The following GRIK2 variants were observed in gnomAD, a reference collection of about 807,000 sequenced individuals.
GRIK2 encodes glutamate ionotropic receptor kainate type subunit 2.
Under a neutral mutation model 100.3 loss-of-function variants are expected in GRIK2, and 32 were observed. The ratio of observed to expected loss-of-function variants is 0.32; its 90% CI spans 0.24 to 0.43. The LOEUF (loss-of-function observed/expected upper bound fraction) is 0.43. GRIK2 is among the 20% of genes least tolerant of loss of function. The pLI is 1.00. For missense variants in GRIK2, 843 were observed against 1,114.9 expected (o/e 0.76, Z 3.47); for synonymous variants, 417 against 389.4 (o/e 1.07, Z -0.83).
At chr6:101,910,469 G>A (rs1318942706) in intron 12 of GRIK2, among the ~76,000 whole-genome samples, 1 of 151,140 alleles carries the variant, frequency 6.6e-6, no homozygotes, top group Non-Finnish European at 1.5e-5. Flanking sequence ...AAAGTGAAAG[G>A]AGATAGAAGC....
intron 2 of GRIK2, among the ~76,000 whole-genome samples, chr6:101,563,131 C>T (rs895434831): frequency 1.3e-5 from 2 of 152,100 alleles, no homozygotes; most frequent in Non-Finnish European, 2.9e-5. Flanking sequence ...CCTTTTTTCA[C>T]CTGCTAATAT....
chr6:101,427,504 C>A (rs1006040764), intron 2 of GRIK2, among the ~76,000 whole-genome samples: 1 of 152,158 alleles, frequency 6.6e-6, no homozygotes, highest in Non-Finnish European at 1.5e-5. Context: ...TGCATCCATA[C>A]CCTGGTGCTG....
At chr6:101,731,955 C>A (rs1393360048) in intron 7 of GRIK2, among the ~76,000 whole-genome samples, 1 of 151,848 alleles carries the variant, frequency 6.6e-6, no homozygotes, top group Non-Finnish European at 1.5e-5. Flanking sequence ...ATAGTAAGGG[C>A]AAAAACCTAG....
Position 101,418,993 on chromosome 6 carries a change from C to T in GRIK2, c.115+19601C>T, listed in dbSNP as rs181950252. Reference sequence around the variant, plus strand: ...TATAATGTCTACATGACTTCCCTGGCCTTTAAGAGTAGAGGTGTATCTTAA... The same window carrying T: ...TATAATGTCTACATGACTTCCCTGGTCTTTAAGAGTAGAGGTGTATCTTAA... On this transcript the variant is annotated intron_variant, in intron 2 of 16. Coordinates refer to ENST00000369134, the MANE Select transcript of GRIK2 (RefSeq NM_021956.5). Among the ~76,000 whole-genome samples, 14 of 152,202 alleles carry T rather than the reference C, an allele frequency of 9.2e-5. No homozygotes were observed. The East Asian group carries it at 2.7e-3, about 29-fold the overall frequency.
chr6:101,697,982 T>C (rs773223570), intron 7 of GRIK2, among the ~76,000 whole-genome samples: 6 of 152,072 alleles, frequency 3.9e-5, no homozygotes, highest in Non-Finnish European at 8.8e-5. Flanking sequence ...CTGAGTACAG[T>C]TCATCATTCT....
chr6:101,464,488 T>A (rs2128253366), intron 2 of GRIK2, among the ~76,000 whole-genome samples: 1 of 122,410 alleles, frequency 8.2e-6, no homozygotes. Flanking sequence ...TTACCTTTTC[T>A]TTTTCTTTCT....
In GRIK2 at chr6:102,035,854, T is replaced by G. The variant is rs139296518; in HGVS notation, c.2311+288T>G. Among the ~76,000 whole-genome samples the G allele has an allele frequency of 5.1e-3, 769 of 151,570 alleles. 4 individuals carry two copies. The highest frequency in any genetic ancestry group is 6.5e-3 in the Non-Finnish European group (437 of 67,618). ...CCCAGCTAACCTTCTCTTTTCAATC[T>G]TAAATTCAAAAAATGTTTTATGAGT... On this transcript the variant is annotated intron_variant, in intron 15 of 16. Coordinates refer to ENST00000369134, the MANE Select transcript of GRIK2 (RefSeq NM_021956.5).
chr6:101,766,301 A>G (rs1562369499), intron 7 of GRIK2, among the ~76,000 whole-genome samples: 1 of 152,092 alleles, frequency 6.6e-6, no homozygotes, highest in African/African-American at 2.4e-5. Flanking sequence ...TGAAGTAGCT[A>G]TATTATTAAG....
chr6:101,743,673 A>C (rs949059621), intron 7 of GRIK2, among the ~76,000 whole-genome samples: 2 of 152,012 alleles, frequency 1.3e-5, no homozygotes, highest in African/African-American at 4.8e-5. Context: ...ATCAACCCTC[A>C]ATTTCATTCA....
In GRIK2 at chr6:101,495,333, G is replaced by A. The variant is rs374876610; in HGVS notation, c.115+95941G>A. Among the ~76,000 whole-genome samples, 55 of 151,774 alleles carry A rather than the reference G, an allele frequency of 3.6e-4. No individual in the cohort carries two copies. The East Asian group carries it at 9.0e-3, about 25-fold the overall frequency. ...ATCCTGGCTAACATGGTGAAATCCC[G>A]TCTCTACTAAAAATACAAAACAATT... On this transcript the variant is annotated intron_variant, in intron 2 of 16. Transcript: ENST00000369134.
intron 2 of GRIK2, among the ~76,000 whole-genome samples, chr6:101,401,203 C>G (rs1253362603): frequency 4.6e-5 from 7 of 152,082 alleles, no homozygotes; most frequent in African/African-American, 1.7e-4. Context: ...GACTTGGAGC[C>G]GGAAAACTGC....
intron 2 of GRIK2, among the ~76,000 whole-genome samples, chr6:101,620,915 G>C (rs1780125636): frequency 6.6e-6 from 1 of 152,064 alleles, no homozygotes; most frequent in African/African-American, 2.4e-5. Context: ...CAAGAGTGAG[G>C]GAACTGGAAT....
chr6:101,532,199 A>G (rs1370294885), intron 2 of GRIK2, among the ~76,000 whole-genome samples: 4 of 151,882 alleles, frequency 2.6e-5, no homozygotes, highest in Non-Finnish European at 4.4e-5. Flanking sequence ...CAAACACTCC[A>G]TGCTGTTTTG....
chr6:101,553,949 A>G (rs546171278), intron 2 of GRIK2, among the ~76,000 whole-genome samples: 53 of 152,296 alleles, frequency 3.5e-4, no homozygotes, highest in African/African-American at 1.2e-3. Flanking sequence ...TGACAGACGC[A>G]GTCACCTCAG....
intron 13 of GRIK2, among the ~76,000 whole-genome samples, chr6:101,925,503 C>T (rs1789828916): frequency 6.8e-6 from 1 of 147,506 alleles, no homozygotes; most frequent in African/African-American, 2.5e-5. Context: ...TAACAAATTG[C>T]TATGCTAGAC....
intron 4 of GRIK2, among the ~76,000 whole-genome samples, chr6:101,663,360 G>A (rs1474717556): frequency 1.3e-5 from 2 of 152,078 alleles, no homozygotes; most frequent in Non-Finnish European, 2.9e-5. Context: ...GGCAGTGAGA[G>A]CGACAGTAAG....
At chr6:101,565,507 C>T (rs1448093346) in intron 2 of GRIK2, among the ~76,000 whole-genome samples, 1 of 151,900 alleles carries the variant, frequency 6.6e-6, no homozygotes, top group South Asian at 2.1e-4. Flanking sequence ...TAAAATATGA[C>T]AATGGTGATG....
At chr6:101,462,441 T>C (rs963188096) in intron 2 of GRIK2, among the ~76,000 whole-genome samples, 3 of 152,172 alleles carry the variant, frequency 2.0e-5, no homozygotes, top group Non-Finnish European at 4.4e-5. Flanking sequence ...ACTGAGCTTT[T>C]TCTTTCAGCA....
At chr6:101,454,830 A>T (rs1770907930) in intron 2 of GRIK2, among the ~76,000 whole-genome samples, 1 of 152,092 alleles carries the variant, frequency 6.6e-6, no homozygotes, top group Non-Finnish European at 1.5e-5. Flanking sequence ...AAGAGAAGGA[A>T]CTTAAGCTTA....
Sources: gnomAD v4.1 joint callset for allele counts (sites outside exome capture counted in the v4.1 genomes callset) on GRCh38, gnomAD v4.1.1 for gene constraint, MANE v1.5 for transcripts, NCBI Gene and HGNC (gene_info 2026-07-23, HGNC 2026-07-21) for gene names.